The following SPON1 variants were observed in gnomAD, a reference collection of about 807,000 sequenced individuals.
The protein encoded by SPON1 is spondin 1, also known as spondin-1.
A neutral mutation model predicts 111.7 loss-of-function variants in SPON1; 52 were observed. The observed-to-expected ratio is 0.47, with a 90% CI of 0.37 to 0.59. The LOEUF (loss-of-function observed/expected upper bound fraction) is 0.59, where lower values mean the gene tolerates loss of function less well. SPON1 is among the 20% of genes least tolerant of loss of function. The pLI is 0.00. For synonymous variants in SPON1, 410 were observed against 395.8 expected (o/e 1.04, Z -0.43); for missense variants, 957 against 1,068.5 (o/e 0.90, Z 1.46).
At chr11:14,261,170 C>T (rs1849166991) in intron 14 of SPON1, among the ~76,000 whole-genome samples, 1 of 152,134 alleles carries the variant, frequency 6.6e-6, no homozygotes, top group Non-Finnish European at 1.5e-5. Context: ...ATGACTCCTG[C>T]AGACTGGTAA....
intron 2 of SPON1, among the ~76,000 whole-genome samples, chr11:14,023,384 A>C (rs1327147776): frequency 7.1e-6 from 1 of 141,378 alleles, no homozygotes; most frequent in Non-Finnish European, 1.6e-5. Context: ...AAATACTGTG[A>C]AGGTAAAACT....
At position 14,160,659 on chromosome 11, in the gene SPON1, A is replaced by ATG. The variant is rs1284823219; in HGVS notation, c.825+25092_825+25093insGT. Among the ~76,000 whole-genome samples the ATG allele has an allele frequency of 4.0e-3, 123 of 30,854 alleles. 21 individuals are homozygous for ATG. Among genetic ancestry groups the ATG allele is most frequent in the Non-Finnish European group, 5.5e-3 (102 of 18,492 alleles). 20.2% of individuals were successfully genotyped at this position (30,854 alleles called of 152,430 possible). A position where few individuals can be genotyped will look rare whatever the true frequency, so the allele number is the denominator to read the frequency against. On this transcript the variant is annotated intron_variant, in intron 6 of 15. Coordinates refer to ENST00000576479, the MANE Select transcript of SPON1 (RefSeq NM_006108.4). ...TATATTTACATATATTTATATATTT[A>ATG]TATATATATTTACATATATTTATAT...
At chr11:14,190,233 A>G (rs1262608134) in intron 6 of SPON1, among the ~76,000 whole-genome samples, 5 of 124,362 alleles carry the variant, frequency 4.0e-5, no homozygotes, top group African/African-American at 1.1e-4. Context: ...TCCTTCCCTC[A>G]CTCCAGGAGC....
chr11:14,098,432 G>A (rs901004211), intron 5 of SPON1, among the ~76,000 whole-genome samples: 3 of 152,106 alleles, frequency 2.0e-5, no homozygotes, highest in African/African-American at 7.2e-5. Flanking sequence ...TTTAATTGTG[G>A]TTTGTTTTTT....
chr11:13,975,206 C>G (rs1848093150), intron 1 of SPON1, among the ~76,000 whole-genome samples: 1 of 152,116 alleles, frequency 6.6e-6, no homozygotes, highest in Non-Finnish European at 1.5e-5. Flanking sequence ...TCCTAGAGAG[C>G]AGACGCCATG....
chr11:14,183,811 T>C (rs1262343699), intron 6 of SPON1, among the ~76,000 whole-genome samples: 3 of 152,162 alleles, frequency 2.0e-5, no homozygotes, highest in Non-Finnish European at 4.4e-5. Context: ...TTCTCTTAGC[T>C]CCTCTGCTTA....
chr11:14,200,814 TAAAAAAAAAAAAAAAAAAAAA>T lies in SPON1; in HGVS notation c.826-42505_826-42485del, dbSNP rs572814576. On this transcript the variant is annotated intron_variant, in intron 6 of 15. Transcript: ENST00000576479. ...TGGGTGACAGAGCAAGACCCTGTCTTAAAAAAAAAAAAAAAAAAAAAAAAAAAAAAAAAGATTTATGGGAAC... is the reference window on the plus strand; with the variant it reads ...TGGGTGACAGAGCAAGACCCTGTCTTAAAAAAAAAAAAGATTTATGGGAAC... Among the ~76,000 whole-genome samples the T allele has an allele frequency of 1.3e-3, 103 of 79,354 alleles. 2 individuals carry two copies. Among genetic ancestry groups the T allele is most frequent in the South Asian group, 2.9e-3 (6 of 2,056 alleles). The allele number at this position is 79,354 out of a possible 152,430, so 52.1% of individuals were successfully genotyped here.
intron 3 of SPON1, among the ~76,000 whole-genome samples, chr11:14,064,662 TTG>T (rs1487784992): frequency 1.3e-5 from 2 of 151,570 alleles, no homozygotes; most frequent in African/African-American, 4.9e-5. Context: ...GTGGTAGAGG[TTG>T]GGGGTGGGAT....
intron 6 of SPON1, among the ~76,000 whole-genome samples, chr11:14,214,658 A>G (rs1848608850): frequency 6.6e-6 from 1 of 152,216 alleles, no homozygotes; most frequent in African/African-American, 2.4e-5. Flanking sequence ...TATGTCAGTC[A>G]TCAGGCTAGA....
intron 5 of SPON1, among the ~76,000 whole-genome samples, chr11:14,093,959 C>T (rs566459094): frequency 6.6e-6 from 1 of 152,248 alleles, no homozygotes; most frequent in Admixed American, 6.5e-5. Flanking sequence ...CGCCTATGAT[C>T]CCAGCACTTT....
rs1757504902 is a variant in SPON1, at chr11:14,259,107, G to A, written c.1493-173G>A. Among the ~76,000 whole-genome samples, 1 of 152,242 alleles carries A rather than the reference G, an allele frequency of 6.6e-6. No individual in the cohort carries two copies. The highest frequency in any genetic ancestry group is 2.4e-5 in the African/African-American group (1 of 41,470). On this transcript the variant is annotated intron_variant, in intron 11 of 15. Transcript: ENST00000576479. The surrounding 1 kb of genome is among the most constrained non-coding windows in gnomAD (Gnocchi z 5.0). ...AGTGTCCCATGCACCTGGAAAAGAG[G>A]CATTTCCTCTTAGAGAACTTTGCCA...
At chr11:14,100,861 A>T (rs1293621049) in intron 5 of SPON1, among the ~76,000 whole-genome samples, 2 of 152,172 alleles carry the variant, frequency 1.3e-5, no homozygotes, top group South Asian at 4.1e-4. Flanking sequence ...TAAATGACTG[A>T]TGGCTGACAT....
chr11:13,968,757 A>G (rs1848039228), intron 1 of SPON1, among the ~76,000 whole-genome samples: 1 of 152,092 alleles, frequency 6.6e-6, no homozygotes, highest in Non-Finnish European at 1.5e-5. Context: ...AGAGGACTTC[A>G]GTTTTCTTTT....
chr11:14,134,101 G>A (rs1257478897), intron 5 of SPON1, among the ~76,000 whole-genome samples: 19 of 150,546 alleles, frequency 1.3e-4, no homozygotes, highest in Admixed American at 5.3e-4. Context: ...ATGGGGTGAA[G>A]AGTTCTGCCC....
intron 6 of SPON1, among the ~76,000 whole-genome samples, chr11:14,198,048 A>C (rs1314132867): frequency 6.6e-6 from 1 of 152,198 alleles, no homozygotes; most frequent in Non-Finnish European, 1.5e-5. Flanking sequence ...AATACAGTGC[A>C]TTTAAGTAAT....
At chr11:14,045,019 A>C (rs1396089919) in intron 3 of SPON1, among the ~76,000 whole-genome samples, 1 of 152,190 alleles carries the variant, frequency 6.6e-6, no homozygotes, top group Non-Finnish European at 1.5e-5. Flanking sequence ...CTATTGAGCA[A>C]ATTTCCAAGT....
At chr11:14,069,964 T>C (rs1848862483) in intron 3 of SPON1, among the ~76,000 whole-genome samples, 1 of 152,134 alleles carries the variant, frequency 6.6e-6, no homozygotes, top group African/African-American at 2.4e-5. Flanking sequence ...TGAACATACC[T>C]CCATTTCTTG....
intron 2 of SPON1, among the ~76,000 whole-genome samples, chr11:14,018,739 G>A (rs1215967700): frequency 5.9e-5 from 9 of 152,300 alleles, no homozygotes; most frequent in Non-Finnish European, 8.8e-5. Context: ...ATTAGGGAGA[G>A]TGTAGCACAG....
chr11:14,076,179 T>C (rs1484576393), intron 4 of SPON1, among the ~76,000 whole-genome samples: 1 of 152,318 alleles, frequency 6.6e-6, no homozygotes, highest in South Asian at 2.1e-4. Context: ...GCAAAAAAAA[T>C]TGACCTTAAA....
Sources: allele counts gnomAD v4.1 joint callset (sites outside exome capture counted in the v4.1 genomes callset), GRCh38; gene constraint gnomAD v4.1.1; non-coding constraint Gnocchi (gnomAD v3.1); transcripts MANE v1.5; gene names NCBI Gene and HGNC (gene_info 2026-07-23, HGNC 2026-07-21).